HLCS: variants seen among roughly 807,000 people sequenced by gnomAD.
The protein encoded by HLCS is biotin--protein ligase.
A neutral mutation model predicts 75.0 loss-of-function variants in HLCS; 53 were observed. That is an observed-to-expected ratio of 0.71 (90% CI 0.57 to 0.89). HLCS has a LOEUF of 0.89. Among genes scored for constraint, HLCS ranks in the 40% least tolerant of loss-of-function variants. The probability of loss-of-function intolerance (pLI) is 0.00; values close to 1 mark genes in which losing one functional copy is unlikely to be tolerated. For missense variants in HLCS, 966 were observed against 1,074.0 expected, an observed-to-expected ratio of 0.90 and a Z score of 1.41; for synonymous variants, 431 against 428.6, an observed-to-expected ratio of 1.01 and a Z score of -0.07.
chr21:36,888,952 T>C (rs1480837092), intron 6 of HLCS, among the ~76,000 whole-genome samples: 2 of 152,088 alleles, frequency 1.3e-5, no homozygotes, highest in East Asian at 3.9e-4. Context: ...CCACCTCCTT[T>C]CTGCCCAAAG....
At chr21:36,773,804 T>G (rs1263205097) in intron 6 of HLCS, among the ~76,000 whole-genome samples, 3 of 152,346 alleles carry the variant, frequency 2.0e-5, no homozygotes, top group Admixed American at 6.5e-5. Context: ...GAATTCCCAC[T>G]GTTCATAACC....
intron 6 of HLCS, among the ~76,000 whole-genome samples, chr21:36,884,179 G>C (rs1463680538): frequency 6.6e-6 from 1 of 152,170 alleles, no homozygotes; most frequent in Non-Finnish European, 1.5e-5. Flanking sequence ...CCAGATAAAA[G>C]AATCTGGCTG....
intron 6 of HLCS, among the ~76,000 whole-genome samples, chr21:36,834,744 T>C (rs907681004): frequency 1.3e-5 from 2 of 152,050 alleles, no homozygotes; most frequent in East Asian, 1.9e-4. Flanking sequence ...TTAGTAGAGA[T>C]GGGGTTTCAC....
chr21:36,771,937 T>C (rs1420643024), intron 6 of HLCS, among the ~76,000 whole-genome samples: 2 of 150,602 alleles, frequency 1.3e-5, no homozygotes, highest in East Asian at 3.9e-4. Flanking sequence ...GGGCGGAGGC[T>C]GCAGTCAGCT....
chr21:36,929,408 G>C (rs1317945899), intron 5 of HLCS, among the ~76,000 whole-genome samples: 1 of 152,222 alleles, frequency 6.6e-6, no homozygotes, highest in African/African-American at 2.4e-5. Flanking sequence ...ATCACACCCA[G>C]ATAGCTCATA....
At chr21:36,820,367 A>ACTGC (rs1555901007) in intron 6 of HLCS, among the ~76,000 whole-genome samples, 13 of 152,088 alleles carry the variant, frequency 8.5e-5, no homozygotes, top group African/African-American at 3.1e-4. Context: ...CTGCCCAGCC[A>ACTGC]CGGCCGGGCC....
intron 6 of HLCS, among the ~76,000 whole-genome samples, chr21:36,889,706 C>G (rs1236138582): frequency 6.6e-6 from 1 of 152,188 alleles, no homozygotes; most frequent in Non-Finnish European, 1.5e-5. Context: ...GAGCCTGGAA[C>G]ACGGAGAAGT....
At chr21:36,916,753 A>G (rs1407992766) in intron 5 of HLCS, among the ~76,000 whole-genome samples, 1 of 152,094 alleles carries the variant, frequency 6.6e-6, no homozygotes, top group Non-Finnish European at 1.5e-5. Flanking sequence ...AAGATGGAAT[A>G]TCCCCCTCAA....
intron 6 of HLCS, among the ~76,000 whole-genome samples, chr21:36,845,423 T>C (rs1601487944): frequency 6.6e-6 from 1 of 152,138 alleles, no homozygotes; most frequent in East Asian, 1.9e-4. Flanking sequence ...GCTTCTACCC[T>C]AGGCACCTTC....
At chr21:36,960,049 C>A (rs924033099) in intron 2 of HLCS, among the ~76,000 whole-genome samples, 1 of 151,988 alleles carries the variant, frequency 6.6e-6, no homozygotes, top group Non-Finnish European at 1.5e-5. Flanking sequence ...CCACCATGTT[C>A]CCCTTGTCCA....
At chr21:36,903,461 T>C (rs1381579638) in intron 5 of HLCS, among the ~76,000 whole-genome samples, 2 of 152,118 alleles carry the variant, frequency 1.3e-5, no homozygotes, top group African/African-American at 2.4e-5. Context: ...TAGAGATACA[T>C]ATAGGTGAAT....
intron 6 of HLCS, among the ~76,000 whole-genome samples, chr21:36,852,374 G>A (rs866008812): frequency 2.0e-5 from 3 of 152,138 alleles, no homozygotes; most frequent in South Asian, 2.1e-4. Context: ...TATCTAACAC[G>A]GGAAGACCAG....
chr21:36,906,527 A>T (rs1217684585), intron 5 of HLCS, among the ~76,000 whole-genome samples: 2 of 152,176 alleles, frequency 1.3e-5, no homozygotes, highest in African/African-American at 4.8e-5. Flanking sequence ...GCGAGACCCC[A>T]TCTCAAAAAC....
chr21:36,982,502 G>A (rs1410447198), intron 1 of HLCS, among the ~76,000 whole-genome samples: 1 of 152,116 alleles, frequency 6.6e-6, no homozygotes, highest in Admixed American at 6.6e-5. Flanking sequence ...TATTTTTCAG[G>A]TCAAACACAT....
Position 36,937,312 on chromosome 21 carries a change from G to C in HLCS, c.574C>G (p.Pro192Ala), listed in dbSNP as rs200950813. ...GGCTTAATCTCAAGAGAAGGTTCAG[G>C]CTTCGGCTCTAGGATCTGGGCTTGC... Reference protein sequence around the residue: ...NKQAQILEPKPEPSLEIKPEQ... With the variant: ...NKQAQILEPKAEPSLEIKPEQ... Residue 192 changes from proline to alanine, a missense_variant, in exon 4 of 11, where the codon CCT becomes GCT. Coordinates refer to ENST00000674895, the MANE Select transcript of HLCS (RefSeq NM_001352514.2). 1.1e-4 allele frequency: 177 copies of C among 1,613,978 alleles called. 1 individual carries two copies. The highest frequency in any genetic ancestry group is 6.6e-4 in the Middle Eastern group (4 of 6,084).
At chr21:36,878,914 T>G (rs1366183190) in intron 6 of HLCS, among the ~76,000 whole-genome samples, 1 of 152,186 alleles carries the variant, frequency 6.6e-6, no homozygotes, top group Admixed American at 6.5e-5. Flanking sequence ...TATCACTTAC[T>G]CTTTATGTCA....
intron 1 of HLCS, among the ~76,000 whole-genome samples, chr21:36,977,467 G>A (rs960439274): frequency 9.2e-5 from 14 of 152,304 alleles, no homozygotes; most frequent in East Asian, 3.9e-4. Context: ...CCTAACAATC[G>A]TGACTCATTT....
At chr21:36,754,520 G>A in intron 10 of HLCS, 103 bp from the exon 11 acceptor site, 2 of 1,243,576 alleles carry the variant, frequency 1.6e-6, no homozygotes, top group Non-Finnish European at 2.3e-6. Flanking sequence ...GCGTGCTGGG[G>A]AGAGGGCTGA....
chr21:36,859,147 T>G (rs1269864837), intron 6 of HLCS, among the ~76,000 whole-genome samples: 1 of 152,138 alleles, frequency 6.6e-6, no homozygotes, highest in Non-Finnish European at 1.5e-5. Flanking sequence ...CTCAGCCTCC[T>G]GAGTAGCTGG....
Sources: gnomAD v4.1 joint callset for allele counts (sites outside exome capture counted in the v4.1 genomes callset) on GRCh38, gnomAD v4.1.1 for gene constraint, MANE v1.5 for transcripts, NCBI Gene and HGNC (gene_info 2026-07-23, HGNC 2026-07-21) for gene names.